The following BAIAP2 variants were observed in gnomAD, a reference collection of about 807,000 sequenced individuals.
The protein encoded by BAIAP2 is BAR/IMD domain containing adaptor protein 2.
In BAIAP2, 18 loss-of-function variants were observed where a neutral mutation model predicts 63.0. That is an observed-to-expected ratio of 0.29 (90% confidence interval 0.20 to 0.42). The LOEUF (loss-of-function observed/expected upper bound fraction) is 0.42. BAIAP2 is among the 10% of genes least tolerant of loss of function. The pLI, the probability that BAIAP2 is intolerant of heterozygous loss-of-function variation, is 1.00. For synonymous variants in BAIAP2, 386 were observed against 307.6 expected, an observed-to-expected ratio of 1.25 and a Z score of -2.67; for missense variants, 610 against 734.3, an observed-to-expected ratio of 0.83 and a Z score of 1.96.
At chr17:81,070,289 A>G (rs374938672) in intron 3 of BAIAP2, among the ~76,000 whole-genome samples, 2 of 152,290 alleles carry the variant, frequency 1.3e-5, no homozygotes, top group East Asian at 3.9e-4. Flanking sequence ...AAATTTGCCC[A>G]TGAAGAAAGG....
intron 3 of BAIAP2, among the ~76,000 whole-genome samples, chr17:81,074,782 GTGTC>G (rs1306969569): frequency 2.6e-4 from 39 of 152,350 alleles, no homozygotes; most frequent in East Asian, 7.7e-4. Flanking sequence ...AAGTGCCTGT[GTGTC>G]TGTGTGCATG....
At position 81,037,032 on chromosome 17, in the gene BAIAP2, G is replaced by C. The variant is rs922256044; in HGVS notation, c.54+1724G>C. On this transcript the variant is annotated intron_variant, in intron 1 of 13. Coordinates refer to ENST00000428708, the MANE Select transcript of BAIAP2 (RefSeq NM_001144888.2). ...CGTCCTTAATAAAACTCTCCTAACCGGGCAGTAGGCCTTCACCTAGGTGAA... is the reference window on the plus strand; with the variant it reads ...CGTCCTTAATAAAACTCTCCTAACCCGGCAGTAGGCCTTCACCTAGGTGAA... 5.3e-6 allele frequency: 7 copies of C among 1,324,826 alleles called. No homozygotes were observed. In the Admixed American group the frequency reaches 8.1e-5, roughly 15 times the overall value. The allele number at this position is 1,324,826 out of a possible 1,614,324, so 82.1% of individuals were successfully genotyped here.
intron 13 of BAIAP2, among the ~76,000 whole-genome samples, chr17:81,112,522 C>T (rs1029535170): frequency 8.5e-5 from 13 of 152,332 alleles, no homozygotes; most frequent in Admixed American, 5.2e-4. Context: ...AGTGGAGGGG[C>T]GAGCGTCCCT....
intron 13 of BAIAP2, chr17:81,110,009 C>T (rs1017817972): frequency 1.5e-4 from 147 of 985,346 alleles, no homozygotes; most frequent in Non-Finnish European, 1.7e-4. Context: ...TTTTGTGTGT[C>T]TTGGTGACTT....
rs572962858 is a variant in BAIAP2, at chr17:81,092,298, C to T, written c.489+5718C>T. On this transcript the variant is annotated intron_variant, in intron 6 of 13. Coordinates refer to ENST00000428708, the MANE Select transcript of BAIAP2 (RefSeq NM_001144888.2). ...TCATGCTCCAGGGTGCCTACGAGGC[C>T]GAGGCCCCCGATGCGCACTGCCCGC... Among the ~76,000 whole-genome samples the T allele has an allele frequency of 5.9e-5, 9 of 152,262 alleles. No individual in the cohort carries two copies. The East Asian group carries it at 1.4e-3, about 23-fold the overall frequency.
chr17:81,057,807 A>T (rs577446681), intron 2 of BAIAP2, 74 bp from the exon 3 acceptor site: 1 of 1,545,494 alleles, frequency 6.5e-7, no homozygotes, highest in African/African-American at 1.4e-5. Flanking sequence ...GCGTGCCAAG[A>T]CTGCCGTGTT....
At chr17:81,109,382 AAAAAAAAAAAAAAG>A (rs2059610591) in intron 13 of BAIAP2, 13 of 1,011,970 alleles carry the variant, frequency 1.3e-5, no homozygotes, top group Non-Finnish European at 1.4e-5. Context: ...TAAAAAAAAA[AAAAAAAAAAAAAAG>A]AAAAAAAGAA....
chr17:81,068,377 A>C (rs2051907594), intron 3 of BAIAP2, among the ~76,000 whole-genome samples: 1 of 152,180 alleles, frequency 6.6e-6, no homozygotes, highest in Non-Finnish European at 1.5e-5. Flanking sequence ...TGGAGGTCTG[A>C]ATGGCTTCTG....
At chr17:81,094,150 G>C (rs2145618373) in intron 6 of BAIAP2, among the ~76,000 whole-genome samples, 1 of 152,260 alleles carries the variant, frequency 6.6e-6, no homozygotes, top group East Asian at 1.9e-4. Flanking sequence ...CCTCAGGGCT[G>C]GGCCACTCGA....
intron 3 of BAIAP2, among the ~76,000 whole-genome samples, chr17:81,077,961 G>A (rs1227984843): frequency 6.7e-6 from 1 of 148,800 alleles, no homozygotes; most frequent in Non-Finnish European, 1.5e-5. Flanking sequence ...CGTATTGGGT[G>A]GGAGCCGGAC....
intron 2 of BAIAP2, 102 bp downstream of exon 2, chr17:81,053,845 A>G: frequency 1.1e-6 from 1 of 879,470 alleles, no homozygotes; most frequent in South Asian, 1.5e-5. Flanking sequence ...AGCTGGTAGA[A>G]CTGTGCCCGG....
In BAIAP2 at chr17:81,096,462, G is replaced by A. The variant is rs1313577117; in HGVS notation, c.490-3466G>A. ...CACAGGCCACTCAGAGCCTGGAGGCGCACCCCAGCATCCCTGGCAGTTCCC... is the reference window on the plus strand; with the variant it reads ...CACAGGCCACTCAGAGCCTGGAGGCACACCCCAGCATCCCTGGCAGTTCCC... On this transcript the variant is annotated intron_variant, in intron 6 of 13. Transcript: ENST00000428708. 2.6e-5 allele frequency among the ~76,000 whole-genome samples: 4 copies of A among 152,368 alleles called. No homozygotes were observed. The East Asian group carries it at 5.8e-4, about 22-fold the overall frequency.
At chr17:81,045,647 G>A (rs2047696716) in intron 1 of BAIAP2, among the ~76,000 whole-genome samples, 1 of 152,134 alleles carries the variant, frequency 6.6e-6, no homozygotes, top group African/African-American at 2.4e-5. Context: ...ACCACCTTAG[G>A]GGACATCCCA....
rs543345825 is a variant in BAIAP2, at chr17:81,052,469, G to A, written c.55-1199G>A. ...CTGCCCTGGAACTTGGCCGGGTGGC[G>A]TTACCACCGGAGGGTCCAGTATAGG... On this transcript the variant is annotated intron_variant, in intron 1 of 13. Transcript: ENST00000428708. Among the ~76,000 whole-genome samples, 10 of 152,326 alleles carry A rather than the reference G, an allele frequency of 6.6e-5. No homozygotes were observed. The East Asian group carries it at 1.7e-3, about 26-fold the overall frequency.
chr17:81,050,962 G>C (rs1001733051), intron 1 of BAIAP2, among the ~76,000 whole-genome samples: 1 of 151,748 alleles, frequency 6.6e-6, no homozygotes, highest in African/African-American at 2.4e-5. Flanking sequence ...TTTGAACCAG[G>C]CTGCCGAGAG....
At chr17:81,102,334 G>A (rs963507041) in intron 7 of BAIAP2, among the ~76,000 whole-genome samples, 2 of 152,164 alleles carry the variant, frequency 1.3e-5, no homozygotes, top group Admixed American at 6.5e-5. Flanking sequence ...TCCCTCGGCC[G>A]TCTGCCCTAG....
intron 11 of BAIAP2, among the ~76,000 whole-genome samples, 177 bp downstream of exon 11, chr17:81,106,323 G>A (rs928682264): frequency 6.6e-6 from 1 of 152,194 alleles, no homozygotes; most frequent in Admixed American, 6.5e-5. Context: ...GTGGAGGCAT[G>A]GTGGTGCCCT....
intron 3 of BAIAP2, among the ~76,000 whole-genome samples, chr17:81,071,176 T>G (rs1341236574): frequency 3.3e-5 from 5 of 152,072 alleles, no homozygotes; most frequent in Non-Finnish European, 5.9e-5. Flanking sequence ...AGAAGAACTC[T>G]GCTTCTCCCA....
chr17:81,059,148 T>C (rs1222444679), intron 3 of BAIAP2, among the ~76,000 whole-genome samples: 2 of 152,124 alleles, frequency 1.3e-5, no homozygotes, highest in Non-Finnish European at 2.9e-5. Context: ...CCCCACAGGC[T>C]GCTGCCTTGG....
Sources: gnomAD v4.1 joint callset for allele counts (sites outside exome capture counted in the v4.1 genomes callset) on GRCh38, gnomAD v4.1.1 for gene constraint, MANE v1.5 for transcripts, NCBI Gene and HGNC (gene_info 2026-07-23, HGNC 2026-07-21) for gene names.